Variants in EPHA10 observed in about 807,000 individuals in gnomAD.
The protein encoded by EPHA10 is ephrin type-A receptor 10.
A neutral mutation model predicts 109.7 loss-of-function variants in EPHA10; 120 were observed. That is an observed-to-expected ratio of 1.09 (90% confidence interval 0.94 to 1.27). The LOEUF (loss-of-function observed/expected upper bound fraction) is 1.27. Ranked by LOEUF, EPHA10 falls within the 50% of genes most tolerant of loss-of-function variation. EPHA10 has a pLI of 0.00. For missense variants in EPHA10, 1,396 were observed against 1,411.1 expected (o/e 0.99, Z 0.17); for synonymous variants, 640 against 618.9 (o/e 1.03, Z -0.51).
chr1:37,723,678 C>T (rs1397803353), intron 8 of EPHA10, among the ~76,000 whole-genome samples: 1 of 152,256 alleles, frequency 6.6e-6, no homozygotes, highest in East Asian at 1.9e-4. Flanking sequence ...CCCCAGCTGC[C>T]CCCGCATGCG....
chr1:37,720,754 T>C (rs1180778237), intron 12 of EPHA10, 29 bp downstream of exon 12: 1 of 1,612,626 alleles, frequency 6.2e-7, no homozygotes, highest in Admixed American at 1.7e-5. Context: ...CAGAATAAAG[T>C]GGTCATTGGC....
At chr1:37,758,771 A>C (rs1488801215) in intron 3 of EPHA10, among the ~76,000 whole-genome samples, 2 of 152,118 alleles carry the variant, frequency 1.3e-5, no homozygotes, top group African/African-American at 4.8e-5. Flanking sequence ...CCACAGGTTC[A>C]AGTACTGTCT....
chr1:37,743,706 G>A (rs887043189), intron 5 of EPHA10, among the ~76,000 whole-genome samples: 18 of 152,192 alleles, frequency 1.2e-4, no homozygotes, highest in African/African-American at 4.3e-4. Flanking sequence ...TTGTAAAATA[G>A]GTGATTTCGC....
In EPHA10 at chr1:37,731,356, C is replaced by T; in HGVS notation, c.1663+55G>A. 5 of 1,492,610 alleles carry T rather than the reference C, an allele frequency of 3.3e-6. No individual in the cohort carries two copies. In the South Asian group the frequency reaches 6.9e-5, roughly 21 times the overall value. The allele number at this position is 1,492,610 out of a possible 1,614,324, so 92.5% of individuals were successfully genotyped here. A position where few individuals can be genotyped will look rare whatever the true frequency, so the allele number is the denominator to read the frequency against. ...CCCTCTATTTGTCTCCCTACCTCAG[C>T]CCCGTGCAGGGTTCTCTCTGTCTAG... On this transcript the variant is annotated intron_variant, in intron 7 of 16. Coordinates refer to ENST00000373048, the MANE Select transcript of EPHA10 (RefSeq NM_001099439.2).
chr1:37,761,439 G>A lies in EPHA10; in HGVS notation c.816C>T (p.Ser272=), dbSNP rs764526793. 2 of 1,598,448 alleles carry A rather than the reference G, an allele frequency of 1.3e-6. No homozygotes were observed. The highest frequency in any genetic ancestry group is 2.2e-5 in the East Asian group (1 of 44,740). The stretch of plus-strand genomic sequence containing the variant: ...AGTCACCACGCTCCTGGAATCCCGC[G>A]CTGCAGCTGCAGCGGCCCACAGGCA... ...WLVPVGRCSC[S]AGFQERGDFC... is the part of the protein sequence containing the mutation. Residue 272 remains serine (S), a synonymous_variant, in exon 3 of 17, where the codon AGC becomes AGT. Coordinates refer to ENST00000373048, the MANE Select transcript of EPHA10 (RefSeq NM_001099439.2).
intron 14 of EPHA10, 84 bp from the exon 15 acceptor site, chr1:37,719,691 GACACAGAC>G: frequency 1.4e-6 from 2 of 1,477,822 alleles, no homozygotes; most frequent in African/African-American, 3.0e-5. Flanking sequence ...CACACACACA[GACACAGAC>G]ACACACACAC....
intron 3 of EPHA10, among the ~76,000 whole-genome samples, chr1:37,756,061 C>G (rs1646390603): frequency 6.6e-6 from 1 of 152,136 alleles, no homozygotes; most frequent in Non-Finnish European, 1.5e-5. Context: ...GGCAGCACAA[C>G]TCTGGGGAGG....
At chr1:37,759,792 T>C (rs1359021799) in intron 3 of EPHA10, among the ~76,000 whole-genome samples, 6 of 111,580 alleles carry the variant, frequency 5.4e-5, no homozygotes, top group African/African-American at 1.3e-4. Context: ...AAACCCCCAT[T>C]TCTAAAAAAA....
At chr1:37,722,548 C>T (rs991937513) in intron 10 of EPHA10, among the ~76,000 whole-genome samples, 5 of 152,160 alleles carry the variant, frequency 3.3e-5, no homozygotes, top group African/African-American at 4.8e-5. Flanking sequence ...AGAGCAAGCG[C>T]CGACAGCCAG....
chr1:37,723,174 A>T lies in EPHA10; in HGVS notation c.1835-8T>A. 6.2e-7 allele frequency: 1 copy of T among 1,611,874 alleles called. No individual in the cohort carries two copies. The highest frequency in any genetic ancestry group is 8.5e-7 in the Non-Finnish European group (1 of 1,178,708). On this transcript the variant is annotated splice_polypyrimidine_tract_variant and splice_region_variant and intron_variant, in intron 9 of 16. Transcript: ENST00000373048. ...GACGTGTTGGGACTTTGACTGGGAG[A>T]GAAAGAGATGAGCCTGAGGAATGGG...
At chr1:37,721,920 A>G in intron 10 of EPHA10, 75 bp from the exon 11 acceptor site, 1 of 1,376,342 alleles carries the variant, frequency 7.3e-7, no homozygotes, top group East Asian at 2.8e-5. Flanking sequence ...AGCCGAGGAG[A>G]AAGTGACTCT....
intron 10 of EPHA10, among the ~76,000 whole-genome samples, chr1:37,722,563 T>C (rs1305893757): frequency 1.3e-5 from 2 of 152,274 alleles, no homozygotes; most frequent in African/African-American, 4.8e-5. Context: ...AGCCAGGCCC[T>C]GTGAGGAGTG....
intron 7 of EPHA10, among the ~76,000 whole-genome samples, chr1:37,728,781 G>A (rs1270388304): frequency 2.0e-5 from 3 of 152,188 alleles, no homozygotes; most frequent in Non-Finnish European, 2.9e-5. Context: ...GCTAGAGTCA[G>A]AGAGGGCATT....
intron 10 of EPHA10, chr1:37,722,262 T>C: frequency 4.1e-6 from 1 of 246,556 alleles, no homozygotes; most frequent in South Asian, 4.5e-5. Context: ...TGGGGATTCC[T>C]CTCTGCCTTC....
intron 6 of EPHA10, 113 bp from the exon 7 acceptor site, chr1:37,731,695 TGA>T (rs1162059098): frequency 5.7e-6 from 7 of 1,237,712 alleles, no homozygotes; most frequent in Non-Finnish European, 7.7e-6. Context: ...GAATGTGGGC[TGA>T]GTGCGAAAAC....
rs1184779980 is a variant in EPHA10 at position 37,753,185 on chromosome 1, G to GC, written c.1047_1048insG (p.Arg350AlafsTer110). On this transcript the variant is annotated frameshift_variant, in exon 5 of 17. Coordinates refer to ENST00000373048, the MANE Select transcript of EPHA10 (RefSeq NM_001099439.2). LOFTEE classifies it high-confidence loss of function. ...CGCAGTCGCAGCACCAGCGGCGAGC[G>GC]GCTCAGGCTGTACTGCAGGTCCCGC... 7.2e-7 allele frequency: 1 copy of GC among 1,392,536 alleles called. No individual in the cohort carries two copies. The highest frequency in any genetic ancestry group is 9.3e-7 in the Non-Finnish European group (1 of 1,076,054). The allele number at this position is 1,392,536 out of a possible 1,614,324, so 86.3% of individuals were successfully genotyped here.
chr1:37,763,230 G>A (rs1049706955), intron 1 of EPHA10, among the ~76,000 whole-genome samples: 1 of 152,168 alleles, frequency 6.6e-6, no homozygotes. Flanking sequence ...TCTGAGGGGA[G>A]AACTCATGTC....
At chr1:37,714,788 G>C (rs1370251146), downstream of EPHA10, 14 of 152,224 alleles carry the variant, frequency 9.2e-5, no homozygotes, top group African/African-American at 7.2e-5. Flanking sequence ...GCCGGGGAGA[G>C]AGGCCCAGAG....
chr1:37,764,907 G>A lies in EPHA10; in HGVS notation c.106+54C>T, dbSNP rs1646461879. On this transcript the variant is annotated intron_variant, in intron 1 of 16. Transcript: ENST00000373048. The surrounding 1 kb of genome is among the most constrained non-coding windows in gnomAD (Gnocchi z 5.8). Reference sequence around the variant, plus strand: ...CCTTCCCCCAGAACCCCCATCGCCAGCCCCCTATCTTTTGGTATGCCACGC... The same window carrying A: ...CCTTCCCCCAGAACCCCCATCGCCAACCCCCTATCTTTTGGTATGCCACGC... 2.0e-6 allele frequency: 3 copies of A among 1,503,178 alleles called. No individual in the cohort carries two copies. In the East Asian group the frequency reaches 7.2e-5, roughly 36 times the overall value. The allele number at this position is 1,503,178 out of a possible 1,614,324, so 93.1% of individuals were successfully genotyped here. A position where few individuals can be genotyped will look rare whatever the true frequency, so the allele number is the denominator to read the frequency against.
Sources: allele counts gnomAD v4.1 joint callset (sites outside exome capture counted in the v4.1 genomes callset), GRCh38; gene constraint gnomAD v4.1.1; non-coding constraint Gnocchi (gnomAD v3.1); transcripts MANE v1.5; gene names NCBI Gene and HGNC (gene_info 2026-07-23, HGNC 2026-07-21).